Variants in ANK1 observed in about 807,000 individuals in gnomAD.
ANK1 encodes ankyrin 1, also known as ankyrin-1.
A neutral mutation model predicts 210.4 loss-of-function variants in ANK1; 51 were observed. The ratio of observed to expected loss-of-function variants is 0.24; its 90% CI spans 0.19 to 0.31. ANK1 has a LOEUF of 0.31. ANK1 is among the 10% of genes least tolerant of loss of function. ANK1 has a pLI of 1.00. For missense variants in ANK1, 2,051 were observed against 2,504.4 expected, an observed-to-expected ratio of 0.82 and a Z score of 3.86; for synonymous variants, 967 against 1,025.9, an observed-to-expected ratio of 0.94 and a Z score of 1.10.
At chr8:41,877,177 A>G (rs1301455430) in intron 1 of ANK1, among the ~76,000 whole-genome samples, 1 of 152,252 alleles carries the variant, frequency 6.6e-6, no homozygotes, top group Non-Finnish European at 1.5e-5. Context: ...CCACACTGTC[A>G]TAGAAGGGAC....
At chr8:41,752,479 T>C (rs370551519) in intron 2 of ANK1, among the ~76,000 whole-genome samples, 15 of 152,284 alleles carry the variant, frequency 9.9e-5, no homozygotes, top group African/African-American at 3.6e-4. Flanking sequence ...AGTTCCAGGC[T>C]CAAATATCCA....
At chr8:41,661,689 GGA>G in intron 41 of ANK1, 125 bp from the exon 42 acceptor site, 1 of 1,597,404 alleles carries the variant, frequency 6.3e-7, no homozygotes, top group Non-Finnish European at 8.5e-7. Flanking sequence ...AAGAGAGACT[GGA>G]GAGAGAGCTC....
intron 2 of ANK1, among the ~76,000 whole-genome samples, chr8:41,740,406 C>T (rs766054169): frequency 1.8e-4 from 27 of 151,902 alleles, no homozygotes; most frequent in Non-Finnish European, 2.8e-4. Context: ...GTAGTCTACC[C>T]GTCTCGGCCT....
At chr8:41,810,744 G>A (rs547053200) in intron 1 of ANK1, among the ~76,000 whole-genome samples, 2 of 152,324 alleles carry the variant, frequency 1.3e-5, no homozygotes, top group East Asian at 3.9e-4. Flanking sequence ...AACAGGCACT[G>A]CCCCAAAGTA....
chr8:41,809,633 G>A (rs1175740379), intron 1 of ANK1, among the ~76,000 whole-genome samples: 1 of 151,948 alleles, frequency 6.6e-6, no homozygotes, highest in African/African-American at 2.4e-5. Context: ...CCAGGCATGA[G>A]GGTGCATGCC....
chr8:41,756,461 G>A (rs1293101518), intron 2 of ANK1, among the ~76,000 whole-genome samples: 1 of 146,460 alleles, frequency 6.8e-6, no homozygotes, highest in African/African-American at 2.5e-5. Context: ...TTTTATTTCT[G>A]AGATGGAGTC....
chr8:41,749,050 G>A lies in ANK1; in HGVS notation c.129+8986C>T, dbSNP rs983419495. On this transcript the variant is annotated intron_variant, in intron 2 of 42. Coordinates refer to ENST00000289734, the MANE Select transcript of ANK1 (RefSeq NM_000037.4). ...ACTCCATCTCAAAAAAAAAAAAATT[G>A]TTGAATGAATGATTACACGGACAAA... Among the ~76,000 whole-genome samples the A allele has an allele frequency of 3.3e-5, 5 of 150,226 alleles. No individual in the cohort carries two copies. The East Asian group carries it at 9.8e-4, about 29-fold the overall frequency.
At chr8:41,759,431 G>A (rs7845118) in intron 1 of ANK1, among the ~76,000 whole-genome samples, 45,362 of 151,924 alleles carry the variant, frequency 0.3, 7,445 homozygotes, top group Middle Eastern at 0.4. Context: ...GCTTGAACCC[G>A]GGAGGTGGAG....
In ANK1 at chr8:41,694,920, C is replaced by T. The variant is rs1262009305; in HGVS notation, c.3116-117G>A. On this transcript the variant is annotated intron_variant, in intron 27 of 42. Coordinates refer to ENST00000289734, the MANE Select transcript of ANK1 (RefSeq NM_000037.4). This position sits in a 1 kb window ranked among gnomAD's most constrained non-coding sequence, Gnocchi z 5.7. ...CAGTGCACACACCCTCCCCAGGTGC[C>T]GGGCGGCATAGTGGCCAGAAGAAGT... 23 of 1,202,110 alleles carry T rather than the reference C, an allele frequency of 1.9e-5. No homozygotes were observed. Among genetic ancestry groups the T allele is most frequent in the South Asian group, 3.8e-5 (3 of 79,404 alleles). 74.5% of individuals were successfully genotyped at this position (1,202,110 alleles called of 1,614,324 possible).
intron 1 of ANK1, among the ~76,000 whole-genome samples, chr8:41,779,259 C>CT (rs1175695452): frequency 1.3e-5 from 2 of 151,954 alleles, no homozygotes; most frequent in South Asian, 2.1e-4. Context: ...TGCTAGACAA[C>CT]TTTTTTTTCC....
chr8:41,867,314 C>CA (rs761489665), intron 1 of ANK1, among the ~76,000 whole-genome samples: 2 of 152,206 alleles, frequency 1.3e-5, no homozygotes, highest in Non-Finnish European at 2.9e-5. Context: ...CAAAGTTCTG[C>CA]AAAAGGAGGC....
rs570688023 is a variant in ANK1, at chr8:41,849,302, G to A, written c.126+47053C>T. Reference sequence around the variant, plus strand: ...GGCCAGTTTATCAACCTCATCCCATGGCAGCTCTTCTTTGGCCTTGGCCTT... The same window carrying A: ...GGCCAGTTTATCAACCTCATCCCATAGCAGCTCTTCTTTGGCCTTGGCCTT... On this transcript the variant is annotated intron_variant, in intron 1 of 42. Transcript: ENST00000265709. Among the ~76,000 whole-genome samples the A allele has an allele frequency of 2.0e-5, 3 of 152,288 alleles. No homozygotes were observed. In the East Asian group the frequency reaches 5.8e-4, roughly 29 times the overall value.
intron 1 of ANK1, among the ~76,000 whole-genome samples, chr8:41,766,226 G>A (rs774375451): frequency 1.3e-5 from 2 of 152,178 alleles, no homozygotes; most frequent in Non-Finnish European, 2.9e-5. Flanking sequence ...CTGATGTGGA[G>A]CTGTCTGCTT....
In ANK1 at chr8:41,831,957, T is replaced by C. The variant is rs540144215; in HGVS notation, c.126+64398A>G. Among the ~76,000 whole-genome samples, 15 of 152,080 alleles carry C rather than the reference T, an allele frequency of 9.9e-5. No homozygotes were observed. The South Asian group carries it at 1.0e-3, about 11-fold the overall frequency. On this transcript the variant is annotated intron_variant, in intron 1 of 42. Coordinates refer to the ANK1 transcript ENST00000265709. Reference sequence around the variant, plus strand: ...CTATATGATCCCATTTAGGAGACAATTGGGAAAAGGGAAAATCCAGGGGTG... The same window carrying C: ...CTATATGATCCCATTTAGGAGACAACTGGGAAAAGGGAAAATCCAGGGGTG...
intron 2 of ANK1, among the ~76,000 whole-genome samples, chr8:41,755,539 G>C (rs1472300793): frequency 6.6e-6 from 1 of 152,184 alleles, no homozygotes; most frequent in East Asian, 1.9e-4. Flanking sequence ...AAGCCTCCAG[G>C]TGTGCATCTC....
intron 1 of ANK1, among the ~76,000 whole-genome samples, chr8:41,863,665 C>T (rs1813730787): frequency 6.6e-6 from 1 of 152,218 alleles, no homozygotes; most frequent in South Asian, 2.1e-4. Context: ...GATAAACCTT[C>T]TGCACATCAC....
intron 22 of ANK1, among the ~76,000 whole-genome samples, chr8:41,700,715 A>G (rs1822525804): frequency 6.6e-6 from 1 of 152,144 alleles, no homozygotes. Context: ...GGGGTAGGAA[A>G]AATACTAGAA....
chr8:41,893,765 G>A (rs1819907415), intron 1 of ANK1, among the ~76,000 whole-genome samples: 1 of 152,220 alleles, frequency 6.6e-6, no homozygotes, highest in Non-Finnish European at 1.5e-5. Context: ...TCTGCATGCT[G>A]GTATAAGAAA....
intron 1 of ANK1, among the ~76,000 whole-genome samples, chr8:41,865,249 T>C (rs1300540132): frequency 1.3e-5 from 2 of 152,194 alleles, no homozygotes; most frequent in Non-Finnish European, 2.9e-5. Flanking sequence ...CATGGTCTCC[T>C]TGAAGCAGCA....
Sources: allele counts gnomAD v4.1 joint callset (sites outside exome capture counted in the v4.1 genomes callset), GRCh38; gene constraint gnomAD v4.1.1; non-coding constraint Gnocchi (gnomAD v3.1); transcripts MANE v1.5; gene names NCBI Gene and HGNC (gene_info 2026-07-23, HGNC 2026-07-21).